The following UGT1A10 variants were observed in gnomAD, a reference collection of about 807,000 sequenced individuals.
UGT1A10 encodes the protein UDP glucuronosyltransferase family 1 member A10.
Under a neutral mutation model 45.8 loss-of-function variants are expected in UGT1A10, and 49 were observed. The observed-to-expected ratio is 1.07, with a 90% CI of 0.85 to 1.36. The LOEUF is 1.36. Among genes scored for constraint, UGT1A10 ranks in the 40% most tolerant of loss-of-function variants. UGT1A10 has a pLI of 0.00. For synonymous variants in UGT1A10, 284 were observed against 249.7 expected (o/e 1.14, Z -1.29); for missense variants, 745 against 668.6 (o/e 1.11, Z -1.26).
chr2:233,715,892 G>A (rs1284412629), intron 1 of UGT1A10, among the ~76,000 whole-genome samples: 1 of 152,180 alleles, frequency 6.6e-6, no homozygotes, highest in African/African-American at 2.4e-5. Context: ...CAGCTACTTG[G>A]GAGGCTCAGG....
rs532123435 is a variant in UGT1A10 at position 233,768,784 on chromosome 2, ATGTT to A, written c.1295+349_1295+352del. Among the ~76,000 whole-genome samples the A allele has an allele frequency of 2.0e-5, 3 of 151,986 alleles. No homozygotes were observed. The South Asian group carries it at 6.2e-4, about 32-fold the overall frequency. On this transcript the variant is annotated intron_variant, in intron 4 of 4. Coordinates refer to ENST00000344644, the MANE Select transcript of UGT1A10 (RefSeq NM_019075.4). ...TTTTTAGTAGAGAAAGGGTTTCACC[ATGTT>A]TGTCAGGCTGGTCTTGAACTCCTGA...
chr2:233,638,136 A>T (rs576008074), intron 1 of UGT1A10, among the ~76,000 whole-genome samples: 1 of 152,180 alleles, frequency 6.6e-6, no homozygotes, highest in African/African-American at 2.4e-5. Flanking sequence ...GAAGACTGGC[A>T]TCTTTTTGCT....
Position 233,772,910 on chromosome 2 carries a change from T to C in UGT1A10, c.*351T>C. Reference sequence around the variant, plus strand: ...AAGGTGGTCCCACGGCTGCCCCTACTGCAAATGGCAGTTTTAATCTTATCT... The same window carrying C: ...AAGGTGGTCCCACGGCTGCCCCTACCGCAAATGGCAGTTTTAATCTTATCT... On this transcript the variant is annotated 3_prime_UTR_variant, in exon 5 of 5. Coordinates refer to ENST00000344644, the MANE Select transcript of UGT1A10 (RefSeq NM_019075.4). The C allele has an allele frequency of 2.5e-6, 1 of 393,908 alleles. No individual in the cohort carries two copies. Among genetic ancestry groups the C allele is most frequent in the Non-Finnish European group, 4.4e-6 (1 of 225,416 alleles). 24.4% of individuals were successfully genotyped at this position (393,908 alleles called of 1,614,324 possible). A position where few individuals can be genotyped will look rare whatever the true frequency, so the allele number is the denominator to read the frequency against.
rs1006743126 is a variant in UGT1A10 at position 233,636,989 on chromosome 2, T to C, written c.467T>C (p.Ile156Thr). ...FLDPFDTCGL[I>T]VAKYFSLPSV... ...GATCCTTTTGATACCTGTGGCTTAA[T>C]TGTTGCTAAATATTTCTCCCTCCCC... is the stretch of plus-strand genomic sequence containing the variant. Residue 156 changes from isoleucine (I) to threonine (T), a missense_variant, in exon 1 of 5, where the codon ATT (isoleucine) becomes ACT (threonine). Transcript: ENST00000344644. 3 of 1,614,192 alleles carry C rather than the reference T, an allele frequency of 1.9e-6. No homozygotes were observed. Among genetic ancestry groups the C allele is most frequent in the Non-Finnish European group, 1.7e-6 (2 of 1,180,042 alleles).
intron 1 of UGT1A10, chr2:233,743,951 A>T: frequency 7.4e-7 from 1 of 1,344,342 alleles, no homozygotes; most frequent in Non-Finnish European, 9.9e-7. Flanking sequence ...AGGCACTGGC[A>T]CAGCGAGCGG....
chr2:233,679,418 T>G (rs543817503), intron 1 of UGT1A10, among the ~76,000 whole-genome samples: 1 of 152,346 alleles, frequency 6.6e-6, no homozygotes, highest in African/African-American at 2.4e-5. Flanking sequence ...GCAGTTCTAC[T>G]GATGAGGGCA....
At chr2:233,747,925 T>C in intron 1 of UGT1A10, 1 of 1,613,432 alleles carries the variant, frequency 6.2e-7, no homozygotes, top group South Asian at 1.1e-5. Flanking sequence ...GCCTCTGAGC[T>C]TTTTCAGAGG....
chr2:233,712,348 G>A (rs2076227987), intron 1 of UGT1A10, among the ~76,000 whole-genome samples: 1 of 152,170 alleles, frequency 6.6e-6, no homozygotes, highest in African/African-American at 2.4e-5. Context: ...ATCACATCTT[G>A]AGCTCAGCCT....
chr2:233,738,553 G>C (rs890940493), intron 1 of UGT1A10, among the ~76,000 whole-genome samples: 2 of 152,228 alleles, frequency 1.3e-5, no homozygotes, highest in African/African-American at 2.4e-5. Context: ...CTCAGATAGA[G>C]ATGAGGAATC....
intron 1 of UGT1A10, chr2:233,743,549 A>C: frequency 2.2e-6 from 3 of 1,367,168 alleles, no homozygotes; most frequent in Non-Finnish European, 2.9e-6. Flanking sequence ...TGACCCCCCC[A>C]AAATATTCTC....
chr2:233,665,825 G>A (rs1032517445), intron 1 of UGT1A10, among the ~76,000 whole-genome samples: 5 of 152,108 alleles, frequency 3.3e-5, no homozygotes, highest in African/African-American at 1.2e-4. Context: ...TGTGATCTAT[G>A]GTAGGTGTAT....
chr2:233,767,641 T>G (rs941477411), intron 2 of UGT1A10, among the ~76,000 whole-genome samples: 5 of 152,170 alleles, frequency 3.3e-5, no homozygotes, highest in African/African-American at 1.2e-4. Flanking sequence ...TATCACAAAT[T>G]CACGTAGTGC....
Position 233,767,033 on chromosome 2 carries a change from G to A in UGT1A10, c.856-1G>A, listed in dbSNP as rs1285708223. The stretch of plus-strand genomic sequence containing the variant: ...ACTGAAAATTTTTCTTCTGGCTCTA[G>A]GAATTTGAAGCCTACATTAATGCTT... On this transcript the variant is annotated splice_acceptor_variant, in intron 1 of 4. Coordinates refer to ENST00000344644, the MANE Select transcript of UGT1A10 (RefSeq NM_019075.4). LOFTEE classifies it high-confidence loss of function. 3 of 1,614,026 alleles carry A rather than the reference G, an allele frequency of 1.9e-6. No individual in the cohort carries two copies. The highest frequency in any genetic ancestry group is 2.5e-6 in the Non-Finnish European group (3 of 1,180,004).
chr2:233,757,451 G>GTC (rs1696532284), intron 1 of UGT1A10, among the ~76,000 whole-genome samples: 1 of 150,202 alleles, frequency 6.7e-6, no homozygotes, highest in South Asian at 2.1e-4. Context: ...ACAGAAACAT[G>GTC]TCCAGAGCGC....
chr2:233,698,667 C>T (rs2075453581), intron 1 of UGT1A10, among the ~76,000 whole-genome samples: 2 of 152,000 alleles, frequency 1.3e-5, no homozygotes, highest in African/African-American at 4.8e-5. Flanking sequence ...AACTATTGGC[C>T]CAACTATAAA....
intron 1 of UGT1A10, among the ~76,000 whole-genome samples, chr2:233,679,624 T>G (rs2074457728): frequency 6.6e-6 from 1 of 152,178 alleles, no homozygotes; most frequent in Admixed American, 6.5e-5. Context: ...CAGGCAGATA[T>G]CCTTTGTCCT....
Position 233,767,934 on chromosome 2 carries a change from T to C in UGT1A10, c.1073T>C (p.Leu358Pro). 6.2e-7 allele frequency: 1 copy of C among 1,614,184 alleles called. No homozygotes were observed. Among genetic ancestry groups the C allele is most frequent in the Non-Finnish European group, 8.5e-7 (1 of 1,180,038 alleles). The stretch of plus-strand genomic sequence containing the variant: ...AAGTGGCTACCCCAAAACGATCTGC[T>C]TGGTATGTTGGGCGGATTGGATGTA... ...LVKWLPQNDL[L>P]GHPMTRAFIT... The change falls in exon 3 of 5, where the codon CTT becomes CCT. Residue 358 changes from leucine to proline, a missense_variant and splice_region_variant. Leu to Pro is a moderately conservative substitution (Grantham distance 98). Transcript: ENST00000344644.
rs541728418 is a variant in UGT1A10, at chr2:233,673,104, C to T, written c.855+35727C>T. On this transcript the variant is annotated intron_variant, in intron 1 of 4. Transcript: ENST00000344644. Reference sequence around the variant, plus strand: ...CCCTTTTTTGTTAATTCTATATGCCCGCCCCAGAGGAAATGGTCTTAGTTT... The same window carrying T: ...CCCTTTTTTGTTAATTCTATATGCCTGCCCCAGAGGAAATGGTCTTAGTTT... Among the ~76,000 whole-genome samples, 19 of 152,122 alleles carry T rather than the reference C, an allele frequency of 1.2e-4. No homozygotes were observed. In the East Asian group the frequency reaches 2.3e-3, roughly 19 times the overall value.
intron 1 of UGT1A10, among the ~76,000 whole-genome samples, chr2:233,727,276 C>G (rs1480742457): frequency 6.6e-6 from 1 of 152,140 alleles, no homozygotes; most frequent in Non-Finnish European, 1.5e-5. Context: ...CATCTCCAGA[C>G]CCTGGAAGCT....
Sources: gnomAD v4.1 joint callset for allele counts (sites outside exome capture counted in the v4.1 genomes callset) on GRCh38, gnomAD v4.1.1 for gene constraint, MANE v1.5 for transcripts, NCBI Gene and HGNC (gene_info 2026-07-23, HGNC 2026-07-21) for gene names.